AOAH: variants seen among roughly 807,000 people sequenced by gnomAD.
AOAH encodes acyloxyacyl hydrolase.
In AOAH, 64 loss-of-function variants were observed where a neutral mutation model predicts 92.2. The observed-to-expected ratio is 0.69, with a 90% CI of 0.57 to 0.86. AOAH has a LOEUF of 0.86. Ranked by LOEUF, AOAH falls within the 40% of genes least tolerant of loss-of-function variation. The pLI is 0.00. For missense variants in AOAH, 656 were observed against 694.6 expected (o/e 0.94, Z 0.62); for synonymous variants, 263 against 254.5 (o/e 1.03, Z -0.32).
At chr7:36,613,525 T>C (rs1383781197) in intron 11 of AOAH, among the ~76,000 whole-genome samples, 1 of 152,228 alleles carries the variant, frequency 6.6e-6, no homozygotes, top group African/African-American at 2.4e-5. Flanking sequence ...ATGTCTTTTC[T>C]TTTTCTGCAG....
chr7:36,554,840 C>A (rs894625760), intron 13 of AOAH, among the ~76,000 whole-genome samples: 1 of 151,496 alleles, frequency 6.6e-6, no homozygotes, highest in African/African-American at 2.4e-5. Flanking sequence ...ATTTTGTATG[C>A]TGAAACTTTG....
intron 6 of AOAH, among the ~76,000 whole-genome samples, chr7:36,626,705 C>T (rs1792687300): frequency 6.6e-6 from 1 of 152,158 alleles, no homozygotes. Context: ...ATGGTATATG[C>T]ATTATTGATT....
intron 13 of AOAH, among the ~76,000 whole-genome samples, chr7:36,572,642 T>C (rs938194232): frequency 6.6e-6 from 1 of 152,232 alleles, no homozygotes; most frequent in Admixed American, 6.5e-5. Context: ...GGTACCCTGA[T>C]GCTGGACATT....
intron 6 of AOAH, among the ~76,000 whole-genome samples, chr7:36,629,867 A>G (rs1474571165): frequency 6.6e-6 from 1 of 152,202 alleles, no homozygotes; most frequent in Non-Finnish European, 1.5e-5. Flanking sequence ...TGAAAAAAAT[A>G]TGATGAAGTC....
intron 4 of AOAH, among the ~76,000 whole-genome samples, chr7:36,654,951 C>T (rs1458190805): frequency 6.6e-6 from 1 of 152,194 alleles, no homozygotes; most frequent in Non-Finnish European, 1.5e-5. Flanking sequence ...AAATATGGAC[C>T]TAACAGCACA....
At chr7:36,598,006 G>A (rs942234480) in intron 11 of AOAH, 3 of 152,154 alleles carry the variant, frequency 2.0e-5, no homozygotes, top group African/African-American at 7.2e-5. Flanking sequence ...TGAACTTCTT[G>A]TCTTCAGTGG....
intron 13 of AOAH, among the ~76,000 whole-genome samples, chr7:36,551,487 G>A (rs777915702): frequency 1.3e-5 from 2 of 152,108 alleles, no homozygotes; most frequent in Admixed American, 6.6e-5. Flanking sequence ...ATTCCAAACC[G>A]AAACTCAAAA....
chr7:36,551,076 CTTT>C, intron 13 of AOAH, among the ~76,000 whole-genome samples: 1 of 136,924 alleles, frequency 7.3e-6, no homozygotes, highest in African/African-American at 2.7e-5. Flanking sequence ...TCATTTCTTT[CTTT>C]TTTTTTTTTT....
intron 1 of AOAH, among the ~76,000 whole-genome samples, chr7:36,704,632 A>T (rs1231212777): frequency 6.6e-6 from 1 of 152,190 alleles, no homozygotes; most frequent in Non-Finnish European, 1.5e-5. Context: ...ACTCCTCCCT[A>T]ACTCATTTTA....
rs115249441 is a variant in AOAH at position 36,686,608 on chromosome 7, G to A, written c.223+91C>T. 2.2e-3 allele frequency: 1,335 copies of A among 611,368 alleles called. 15 individuals are homozygous for A. The African/African-American group carries it at 0.023, about 10-fold the overall frequency. The allele number at this position is 611,368 out of a possible 1,614,324, so 37.9% of individuals were successfully genotyped here. On this transcript the variant is annotated intron_variant, in intron 2 of 20. Transcript: ENST00000617537. ...AAATAGCATAATCAGATTCTTCTCTGTAAGTGTGGGCAGGAAGTAAAGGCA... is the reference window on the plus strand; with the variant it reads ...AAATAGCATAATCAGATTCTTCTCTATAAGTGTGGGCAGGAAGTAAAGGCA...
rs781177503 is a variant in AOAH at position 36,522,021 on chromosome 7, C to T, written c.1599+18G>A. The T allele has an allele frequency of 7.5e-6, 12 of 1,609,614 alleles. No homozygotes were observed. In the East Asian group the frequency reaches 2.5e-4, roughly 33 times the overall value. Reference sequence around the variant, plus strand: ...ACCATCAAATAGCCTTCTGCAGCCACCATGTGACTGTGCTTACCTCGTTGG... The same window carrying T: ...ACCATCAAATAGCCTTCTGCAGCCATCATGTGACTGTGCTTACCTCGTTGG... On this transcript the variant is annotated intron_variant, in intron 20 of 20. Transcript: ENST00000617537.
rs541564182 is a variant in AOAH, at chr7:36,540,431, C to T, written c.1194G>A (p.Gln398=). ...GGTGGGAATTTAGATGCTTCAGAGT[C>T]TGCATGACGTTGGAGTAGAGTTTCT... ...TPEKLYSNVM[Q]TLKHLNSHLP... is the part of the protein sequence containing the mutation. Residue 398 remains glutamine, a synonymous_variant, in exon 16 of 21, where the codon CAG becomes CAA. Coordinates refer to ENST00000617537, the MANE Select transcript of AOAH (RefSeq NM_001637.4). 1.6e-5 allele frequency: 26 copies of T among 1,614,022 alleles called. No homozygotes were observed. The South Asian group carries it at 2.4e-4, about 15-fold the overall frequency.
At chr7:36,669,046 G>A (rs1057397306) in intron 3 of AOAH, among the ~76,000 whole-genome samples, 3 of 152,304 alleles carry the variant, frequency 2.0e-5, no homozygotes, top group East Asian at 1.9e-4. Flanking sequence ...AATTACAGTC[G>A]ATGATGATGA....
intron 11 of AOAH, among the ~76,000 whole-genome samples, chr7:36,602,085 G>A (rs1024673042): frequency 7.2e-5 from 11 of 152,164 alleles, no homozygotes; most frequent in Admixed American, 3.3e-4. Flanking sequence ...GGAAAAAGTA[G>A]AGCCTTTCCT....
chr7:36,567,958 C>T (rs1008209009), intron 13 of AOAH, among the ~76,000 whole-genome samples: 1 of 152,168 alleles, frequency 6.6e-6, no homozygotes, highest in Non-Finnish European at 1.5e-5. Context: ...GGGCCCTGTA[C>T]ATTAGAGTGG....
intron 2 of AOAH, among the ~76,000 whole-genome samples, chr7:36,684,906 C>CAAAAAAAAAAAAAA (rs57827044): frequency 3.3e-5 from 2 of 60,012 alleles, no homozygotes; most frequent in Non-Finnish European, 2.9e-5. Flanking sequence ...GACCTTGTCT[C>CAAAAAAAAAAAAAA]AAAAAAAAAA....
At chr7:36,704,202 T>C (rs532698864) in intron 1 of AOAH, among the ~76,000 whole-genome samples, 1 of 152,268 alleles carries the variant, frequency 6.6e-6, no homozygotes, top group Admixed American at 6.5e-5. Context: ...TGGGGTTGTT[T>C]GTTTTTTTCT....
At chr7:36,710,180 T>G (rs543518245) in intron 1 of AOAH, among the ~76,000 whole-genome samples, 14 of 152,300 alleles carry the variant, frequency 9.2e-5, no homozygotes, top group Non-Finnish European at 1.6e-4. Context: ...TTATATTCTG[T>G]TACATGGCAA....
chr7:36,698,968 A>C (rs1797878167), intron 1 of AOAH, among the ~76,000 whole-genome samples: 1 of 151,516 alleles, frequency 6.6e-6, no homozygotes, highest in Non-Finnish European at 1.5e-5. Context: ...CCCTCCCCCT[A>C]TTCTTCCTGG....
Sources: allele counts gnomAD v4.1 joint callset (sites outside exome capture counted in the v4.1 genomes callset), GRCh38; gene constraint gnomAD v4.1.1; transcripts MANE v1.5; gene names NCBI Gene and HGNC (gene_info 2026-07-23, HGNC 2026-07-21).